The following NPAS2 variants were observed in gnomAD, a reference collection of about 807,000 sequenced individuals.
NPAS2 encodes the protein neuronal PAS domain-containing protein 2.
A neutral mutation model predicts 107.5 loss-of-function variants in NPAS2; 23 were observed. The ratio of observed to expected loss-of-function variants is 0.21; its 90% confidence interval spans 0.15 to 0.30. The LOEUF (loss-of-function observed/expected upper bound fraction) is 0.30, where lower values mean the gene tolerates loss of function less well. NPAS2 is among the 10% of genes least tolerant of loss of function. The pLI is 1.00. For missense variants in NPAS2, 756 were observed against 1,043.3 expected, an observed-to-expected ratio of 0.72 and a Z score of 3.79; for synonymous variants, 403 against 417.5, an observed-to-expected ratio of 0.97 and a Z score of 0.42.
intron 1 of NPAS2, among the ~76,000 whole-genome samples, chr2:100,870,672 G>A (rs563179050): frequency 2.0e-5 from 3 of 152,198 alleles, no homozygotes; most frequent in Non-Finnish European, 2.9e-5. Context: ...GATTACAGGC[G>A]TGAGTCACCA....
chr2:100,838,226 T>C (rs552305731), intron 1 of NPAS2, among the ~76,000 whole-genome samples: 1 of 151,916 alleles, frequency 6.6e-6, no homozygotes, highest in Non-Finnish European at 1.5e-5. Context: ...ATAATAAACA[T>C]TTAAGATTTG....
intron 12 of NPAS2, among the ~76,000 whole-genome samples, chr2:100,973,806 T>A (rs757999372): frequency 6.6e-6 from 1 of 152,192 alleles, no homozygotes; most frequent in African/African-American, 2.4e-5. Flanking sequence ...TGTTTTGTTT[T>A]CTTCTTTAGC....
At chr2:100,904,826 G>T (rs1175260704) in intron 2 of NPAS2, 40 bp downstream of exon 2, 2 of 1,480,836 alleles carry the variant, frequency 1.4e-6, no homozygotes, top group African/African-American at 2.8e-5. Context: ...GAGCTCTCTG[G>T]CCCCCGGGGG....
intron 5 of NPAS2, among the ~76,000 whole-genome samples, chr2:100,946,858 T>G (rs1004568728): frequency 3.3e-5 from 5 of 151,930 alleles, no homozygotes; most frequent in Non-Finnish European, 5.9e-5. Flanking sequence ...ACTGTTTGGT[T>G]TGAGGGTAAG....
chr2:100,979,480 C>CTATATATATATATATA (rs201705535), intron 15 of NPAS2, among the ~76,000 whole-genome samples: 3 of 64,794 alleles, frequency 4.6e-5, no homozygotes, highest in African/African-American at 7.9e-5. Flanking sequence ...TTAATAATAA[C>CTATATATATATATATA]TATATATATA....
At chr2:100,913,157 C>T (rs1355364085) in intron 2 of NPAS2, among the ~76,000 whole-genome samples, 2 of 152,156 alleles carry the variant, frequency 1.3e-5, no homozygotes, top group Non-Finnish European at 2.9e-5. Context: ...TTTAGCTCCT[C>T]ACCATAGAGA....
intron 3 of NPAS2, among the ~76,000 whole-genome samples, chr2:100,926,186 G>T (rs954826008): frequency 7.2e-5 from 11 of 152,180 alleles, no homozygotes; most frequent in Middle Eastern, 3.4e-3. Flanking sequence ...TCAGTTGATG[G>T]ATATTTGGGT....
At chr2:100,925,974 C>T (rs1183160986) in intron 3 of NPAS2, among the ~76,000 whole-genome samples, 9 of 152,152 alleles carry the variant, frequency 5.9e-5, no homozygotes, top group Non-Finnish European at 1.3e-4. Context: ...CTGGCAACCA[C>T]GAATCTGTTT....
intron 2 of NPAS2, among the ~76,000 whole-genome samples, chr2:100,922,320 C>A (rs540515048): frequency 1.3e-5 from 2 of 152,222 alleles, no homozygotes; most frequent in South Asian, 4.2e-4. Flanking sequence ...TGGCTCATGC[C>A]TGTAATCCCA....
intron 1 of NPAS2, among the ~76,000 whole-genome samples, chr2:100,871,329 GTTTT>G (rs5832938): frequency 7.8e-6 from 1 of 127,542 alleles, no homozygotes; most frequent in Non-Finnish European, 1.7e-5. Flanking sequence ...CTTCTTCCTT[GTTTT>G]TTTTTTTTTT....
At position 100,965,405 on chromosome 2, in the gene NPAS2, C is replaced by A. The variant is rs570966356; in HGVS notation, c.801-255C>A. 7.2e-4 allele frequency among the ~76,000 whole-genome samples: 109 copies of A among 152,246 alleles called. No individual in the cohort carries two copies. Among genetic ancestry groups the A allele is most frequent in the African/African-American group, 2.3e-3 (95 of 41,556 alleles). On this transcript the variant is annotated intron_variant, in intron 9 of 20. Coordinates refer to ENST00000335681, the MANE Select transcript of NPAS2 (RefSeq NM_002518.4). This position sits in a 1 kb window ranked among gnomAD's most constrained non-coding sequence, Gnocchi z 4.3. ...TCCAATTTGTAGCTGTTTTTAATTA[C>A]CCAGTAGTGATAAAGCTTATTGTTA...
chr2:100,876,372 C>A (rs1679967103), intron 1 of NPAS2, among the ~76,000 whole-genome samples: 1 of 152,240 alleles, frequency 6.6e-6, no homozygotes, highest in African/African-American at 2.4e-5. Context: ...CCCCATCACC[C>A]TCGTGACTGT....
rs1683487054 is a variant in NPAS2 at position 100,925,283 on chromosome 2, A to G, written c.170A>G (p.Gln57Arg). 3 of 1,614,162 alleles carry G rather than the reference A, an allele frequency of 1.9e-6. No homozygotes were observed. The highest frequency in any genetic ancestry group is 1.3e-5 in the African/African-American group (1 of 75,052). ...TVLEKVIGFLQKHNEVSAQTE... is the reference protein window; with the variant it reads ...TVLEKVIGFLRKHNEVSAQTE... ...TTGGAAAAGGTCATCGGATTTTTGC[A>G]GAAACACAATGGTAAAGGTCACCCT... The change falls in exon 3 of 21, where the codon CAG (glutamine) becomes CGG (arginine). Residue 57 changes from glutamine to arginine, a missense_variant. This residue lies in a region of NPAS2 where 146 missense variants were observed against 249.6 expected (regional missense o/e 0.58). Coordinates refer to ENST00000335681, the MANE Select transcript of NPAS2 (RefSeq NM_002518.4).
At chr2:100,947,806 C>T (rs1674994296) in intron 5 of NPAS2, among the ~76,000 whole-genome samples, 1 of 152,218 alleles carries the variant, frequency 6.6e-6, no homozygotes, top group South Asian at 2.1e-4. Flanking sequence ...AGTAGACTGG[C>T]AGCCCTTTGC....
At chr2:100,950,204 T>C (rs1675140023) in intron 7 of NPAS2, among the ~76,000 whole-genome samples, 1 of 152,228 alleles carries the variant, frequency 6.6e-6, no homozygotes, top group Non-Finnish European at 1.5e-5. Context: ...ATGGCCTGCA[T>C]TTTGTTTTCT....
Position 100,858,355 on chromosome 2 carries a change from C to T in NPAS2, c.-23+37941C>T, listed in dbSNP as rs188208679. Among the ~76,000 whole-genome samples, 712 of 152,330 alleles carry T rather than the reference C, an allele frequency of 4.7e-3. 3 individuals are homozygous for T. Among genetic ancestry groups the T allele is most frequent in the African/African-American group, 0.016 (668 of 41,568 alleles). On this transcript the variant is annotated intron_variant, in intron 1 of 20. Transcript: ENST00000335681. ...TCGAGTCTCTTGCCCTTGTCTCTCC[C>T]TTTGTCATCTGCTTTAATGCTTAAA...
intron 5 of NPAS2, among the ~76,000 whole-genome samples, chr2:100,944,094 T>C (rs10167204): frequency 0.056 from 8,459 of 152,224 alleles, 760 homozygotes; most frequent in African/African-American, 0.19. Flanking sequence ...TGGCCGTTAG[T>C]TTGACTTTGA....
rs1442873338 is a variant in NPAS2 at position 100,820,255 on chromosome 2, G to GGCGGCA, written c.-177_-176insAGCGGC. 1 of 148,602 alleles carries GGCGGCA rather than the reference G, an allele frequency of 6.7e-6. No individual in the cohort carries two copies. The highest frequency in any genetic ancestry group is 1.5e-5 in the Non-Finnish European group (1 of 67,560). 9.2% of individuals were successfully genotyped at this position (148,602 alleles called of 1,614,324 possible). On this transcript the variant is annotated 5_prime_UTR_variant, in exon 1 of 21. Transcript: ENST00000335681. The surrounding 1 kb of genome is among the most constrained non-coding windows in gnomAD (Gnocchi z 5.6). Reference sequence around the variant, plus strand: ...CCCGGAGACCCGCAGCCGCGGCGGCGGCGGCGGCGGCGGCAGCAGCTAGAG... The same window carrying GGCGGCA: ...CCCGGAGACCCGCAGCCGCGGCGGCGGCGGCAGCGGCGGCGGCGGCAGCAGCTAGAG...
chr2:100,896,824 CCCTCCCTT>C lies in NPAS2; in HGVS notation c.-22-7897_-22-7890del, dbSNP rs553544106. On this transcript the variant is annotated intron_variant, in intron 1 of 20. Coordinates refer to ENST00000335681, the MANE Select transcript of NPAS2 (RefSeq NM_002518.4). Reference sequence around the variant, plus strand: ...TGGCTTTGTCCTTCCTTTCCTCCCTCCCTCCCTTCCTCCCTTCCTTTTCTTCTTCATTC... The same window carrying C: ...TGGCTTTGTCCTTCCTTTCCTCCCTCCCTCCCTTCCTTTTCTTCTTCATTC... 2.1e-3 allele frequency among the ~76,000 whole-genome samples: 313 copies of C among 152,250 alleles called. 3 individuals are homozygous for C. Among genetic ancestry groups the C allele is most frequent in the African/African-American group, 7.4e-3 (306 of 41,526 alleles).
Sources: gnomAD v4.1 joint callset for allele counts (sites outside exome capture counted in the v4.1 genomes callset) on GRCh38, gnomAD v4.1.1 for gene constraint, gnomAD v4.1.1 regional missense constraint, Gnocchi (gnomAD v3.1) non-coding constraint, MANE v1.5 for transcripts, NCBI Gene and HGNC (gene_info 2026-07-23, HGNC 2026-07-21) for gene names.